The following CDK17 variants were observed in gnomAD, a reference collection of about 807,000 sequenced individuals.
The protein encoded by CDK17 is cyclin-dependent kinase 17.
A neutral mutation model predicts 77.6 loss-of-function variants in CDK17; 24 were observed. The ratio of observed to expected loss-of-function variants is 0.31; its 90% CI spans 0.22 to 0.44. The LOEUF (loss-of-function observed/expected upper bound fraction) is 0.44, where lower values mean the gene tolerates loss of function less well. Among genes scored for constraint, CDK17 ranks in the 20% least tolerant of loss-of-function variants. The pLI is 1.00. For synonymous variants in CDK17, 203 were observed against 210.4 expected (o/e 0.96, Z 0.30); for missense variants, 429 against 622.5 (o/e 0.69, Z 3.31).
At chr12:96,393,958 C>T (rs916786539) in intron 1 of CDK17, among the ~76,000 whole-genome samples, 2 of 151,798 alleles carry the variant, frequency 1.3e-5, no homozygotes, top group Admixed American at 1.3e-4. Flanking sequence ...TAGTTTCTCA[C>T]AAGTATAGAC....
intron 2 of CDK17, among the ~76,000 whole-genome samples, chr12:96,333,898 AG>A (rs1953005481): frequency 1.3e-5 from 2 of 152,296 alleles, no homozygotes; most frequent in Admixed American, 1.3e-4. Context: ...GTCATCAACT[AG>A]GAAGTGTTTA....
At chr12:96,297,474 A>G (rs1952424996) in intron 8 of CDK17, 142 bp from the exon 9 acceptor site, 1 of 734,190 alleles carries the variant, frequency 1.4e-6, no homozygotes, top group Non-Finnish European at 2.3e-6. Context: ...TGAAAAACTG[A>G]TAACTAAATA....
rs1953988296 is a variant in CDK17 at position 96,387,085 on chromosome 12, G to T, written c.-30+12901C>A. 1.2e-5 allele frequency: 4 copies of T among 341,094 alleles called. No individual in the cohort carries two copies. The Admixed American group carries it at 1.2e-4, about 10-fold the overall frequency. The allele number at this position is 341,094 out of a possible 1,614,324, so 21.1% of individuals were successfully genotyped here. A position where few individuals can be genotyped will look rare whatever the true frequency, so the allele number is the denominator to read the frequency against. ...GGGTCATTTTCACGCTTTAAGATGT[G>T]TATCACGGTGACATCCACACCTGTG... On this transcript the variant is annotated intron_variant, in intron 1 of 16. Transcript: ENST00000261211.
In CDK17 at chr12:96,280,892, T is replaced by C; in HGVS notation, c.1457-7A>G. On this transcript the variant is annotated splice_region_variant and splice_polypyrimidine_tract_variant and intron_variant, in intron 15 of 16. Transcript: ENST00000261211. ...AAACTGAATATTGATACACCTAAAA[T>C]GCATAGACAAAAATTATTAGGTGAA... 1 of 1,607,128 alleles carries C rather than the reference T, an allele frequency of 6.2e-7. No homozygotes were observed. Among genetic ancestry groups the C allele is most frequent in the Non-Finnish European group, 8.5e-7 (1 of 1,177,158 alleles).
Position 96,352,177 on chromosome 12 carries a change from C to T in CDK17, c.-29-17312G>A, listed in dbSNP as rs1272236682. On this transcript the variant is annotated intron_variant, in intron 1 of 16. Coordinates refer to ENST00000261211, the MANE Select transcript of CDK17 (RefSeq NM_002595.5). ...ATCTCATTCACAAAGCAAATCTGCA[C>T]TTTCCCAATAGGATCCCTTCCAAGT... is the stretch of plus-strand genomic sequence containing the variant. Among the ~76,000 whole-genome samples, 5 of 152,122 alleles carry T rather than the reference C, an allele frequency of 3.3e-5. No homozygotes were observed. The South Asian group carries it at 8.3e-4, about 25-fold the overall frequency.
chr12:96,338,757 C>T (rs1457897111), intron 1 of CDK17, among the ~76,000 whole-genome samples: 1 of 144,074 alleles, frequency 6.9e-6, no homozygotes, highest in Non-Finnish European at 1.5e-5. Context: ...ATGTTATTGT[C>T]TGAAGCCACT....
At chr12:96,321,820 GA>G (rs1952819521) in intron 3 of CDK17, among the ~76,000 whole-genome samples, 1 of 113,634 alleles carries the variant, frequency 8.8e-6, no homozygotes, top group East Asian at 2.8e-4. Context: ...GGGGTGGGGG[GA>G]GGGGGGAGGG....
At chr12:96,313,747 A>T (rs1030532297) in intron 3 of CDK17, among the ~76,000 whole-genome samples, 1 of 152,226 alleles carries the variant, frequency 6.6e-6, no homozygotes, top group African/African-American at 2.4e-5. Flanking sequence ...AGAATGAGCC[A>T]GTTCTTTCAT....
chr12:96,307,870 C>CTTTGTGTGTCTGGACG (rs1339160615), intron 5 of CDK17, among the ~76,000 whole-genome samples: 1 of 150,792 alleles, frequency 6.6e-6, no homozygotes, highest in Non-Finnish European at 1.5e-5. Flanking sequence ...CTCTGTCTCA[C>CTTTGTGTGTCTGGACG]ACACACAGAC....
At chr12:96,326,513 T>A (rs1180524228) in intron 2 of CDK17, among the ~76,000 whole-genome samples, 2 of 152,116 alleles carry the variant, frequency 1.3e-5, no homozygotes, top group Non-Finnish European at 2.9e-5. Context: ...AACAGGATAT[T>A]CCAGATAGAG....
rs1952888587 is a variant in CDK17 at position 96,326,078 on chromosome 12, G to C, written c.119-1966C>G. On this transcript the variant is annotated intron_variant, in intron 2 of 16. Transcript: ENST00000261211. ...TTTCTCTTTCTAGGTTATTTCACAT[G>C]TGAAATATCACAACATTCAAATATT... is the stretch of plus-strand genomic sequence containing the variant. Among the ~76,000 whole-genome samples the C allele has an allele frequency of 2.0e-5, 3 of 152,290 alleles. No homozygotes were observed. The South Asian group carries it at 6.2e-4, about 32-fold the overall frequency.
chr12:96,316,241 G>T (rs376901880), intron 3 of CDK17, among the ~76,000 whole-genome samples: 3 of 152,168 alleles, frequency 2.0e-5, no homozygotes, highest in Admixed American at 6.5e-5. Flanking sequence ...TATTGCGCTT[G>T]TCAGACCGGC....
At chr12:96,382,689 T>C (rs1336740648) in intron 1 of CDK17, among the ~76,000 whole-genome samples, 1 of 152,130 alleles carries the variant, frequency 6.6e-6, no homozygotes, top group Non-Finnish European at 1.5e-5. Flanking sequence ...GTTCCTGGGG[T>C]GCAAGGTTGC....
chr12:96,298,286 C>T (rs79566600), intron 7 of CDK17, among the ~76,000 whole-genome samples: 24 of 132,490 alleles, frequency 1.8e-4, no homozygotes, highest in African/African-American at 6.7e-4. Flanking sequence ...GACTCCCTCT[C>T]AAAAAAAAAA....
chr12:96,340,543 G>GA (rs1356701802), intron 1 of CDK17, among the ~76,000 whole-genome samples: 1 of 152,044 alleles, frequency 6.6e-6, no homozygotes, highest in Admixed American at 6.6e-5. Context: ...CATTATTAAA[G>GA]AAAAAATATT....
intron 3 of CDK17, among the ~76,000 whole-genome samples, chr12:96,317,201 G>GT (rs1427862428): frequency 1.3e-5 from 2 of 150,208 alleles, no homozygotes; most frequent in Non-Finnish European, 3.0e-5. Context: ...GGAAGAAAGG[G>GT]TATCAGCGAT....
At chr12:96,286,819 G>A in intron 11 of CDK17, 58 bp from the exon 12 acceptor site, 1 of 1,421,688 alleles carries the variant, frequency 7.0e-7, no homozygotes, top group African/African-American at 1.4e-5. Flanking sequence ...TGAAGCACAA[G>A]AATCTTTTCC....
At chr12:96,384,321 A>G (rs1353489888) in intron 1 of CDK17, among the ~76,000 whole-genome samples, 1 of 152,222 alleles carries the variant, frequency 6.6e-6, no homozygotes, top group Non-Finnish European at 1.5e-5. Flanking sequence ...AAGTTAAGTT[A>G]GGTTAGCCAC....
chr12:96,289,677 CGGCTATGAG>C (rs1952295546), intron 10 of CDK17, among the ~76,000 whole-genome samples: 1 of 152,172 alleles, frequency 6.6e-6, no homozygotes, highest in Non-Finnish European at 1.5e-5. Context: ...TTACTTCTAA[CGGCTATGAG>C]CTTTTGTCAC....
Sources: allele counts gnomAD v4.1 joint callset (sites outside exome capture counted in the v4.1 genomes callset), GRCh38; gene constraint gnomAD v4.1.1; transcripts MANE v1.5; gene names NCBI Gene and HGNC (gene_info 2026-07-23, HGNC 2026-07-21).